The following GRHL3 variants were observed in gnomAD, a reference collection of about 807,000 sequenced individuals.
GRHL3 encodes grainyhead-like protein 3 homolog.
GRHL3 carries 20 observed loss-of-function variants against 70.3 expected under a neutral mutation model. The ratio of observed to expected loss-of-function variants is 0.28; its 90% CI spans 0.20 to 0.41. GRHL3 has a LOEUF of 0.41. Among genes scored for constraint, GRHL3 ranks in the 10% least tolerant of loss-of-function variants. The pLI is 1.00. For missense variants in GRHL3, 637 were observed against 762.3 expected, an observed-to-expected ratio of 0.84 and a Z score of 1.94; for synonymous variants, 299 against 299.9, an observed-to-expected ratio of 1.00 and a Z score of 0.03.
At position 24,319,401 on chromosome 1, in the gene GRHL3, TG is replaced by T; in HGVS notation, c.-148del. The T allele has an allele frequency of 1.2e-6, 1 of 828,036 alleles. No homozygotes were observed. Among genetic ancestry groups the T allele is most frequent in the South Asian group, 1.4e-5 (1 of 72,670 alleles). 51.3% of individuals were successfully genotyped at this position (828,036 alleles called of 1,614,324 possible). On this transcript the variant is annotated 5_prime_UTR_variant, in exon 1 of 16. Coordinates refer to ENST00000361548, the MANE Select transcript of GRHL3 (RefSeq NM_198173.3). ...TGTAGCCAATCAGCGCCAGCGCTGC[TG>T]GGAACCTACCTGTCAGCAAAATCTC...
Position 24,342,544 on chromosome 1 carries a change from G to T in GRHL3, c.1207-150G>T. On this transcript the variant is annotated intron_variant, in intron 9 of 15. Coordinates refer to ENST00000361548, the MANE Select transcript of GRHL3 (RefSeq NM_198173.3). This position sits in a 1 kb window ranked among gnomAD's most constrained non-coding sequence, Gnocchi z 4.8. ...GGCCCCACTGGCCAGGCTGGGCCAG[G>T]TAAGTGCTGGTACCTTCCCATTTCC... 1.2e-6 allele frequency: 1 copy of T among 826,632 alleles called. No homozygotes were observed. Among genetic ancestry groups the T allele is most frequent in the East Asian group, 2.5e-5 (1 of 39,750 alleles). The allele number at this position is 826,632 out of a possible 1,614,324, so 51.2% of individuals were successfully genotyped here.
At chr1:24,343,330 A>C in intron 11 of GRHL3, 3 of 340,932 alleles carry the variant, frequency 8.8e-6, no homozygotes, top group Non-Finnish European at 1.7e-5. Flanking sequence ...TGGAATTCTC[A>C]CGGCAGCACT....
At position 24,342,618 on chromosome 1, in the gene GRHL3, A is replaced by G; in HGVS notation, c.1207-76A>G. On this transcript the variant is annotated intron_variant, in intron 9 of 15. Transcript: ENST00000361548. The surrounding 1 kb of genome is among the most constrained non-coding windows in gnomAD (Gnocchi z 4.8). ...GGACCAGAAGCTTGGCCCATATTTA[A>G]GATGCAAAGCAGCAGCTGTGAAAGT... is the stretch of plus-strand genomic sequence containing the variant. 1 of 1,290,446 alleles carries G rather than the reference A, an allele frequency of 7.7e-7. No individual in the cohort carries two copies. The highest frequency in any genetic ancestry group is 1.1e-6 in the Non-Finnish European group (1 of 888,230). 79.9% of individuals were successfully genotyped at this position (1,290,446 alleles called of 1,614,324 possible). A position where few individuals can be genotyped will look rare whatever the true frequency, so the allele number is the denominator to read the frequency against.
Position 24,336,682 on chromosome 1 carries a change from A to G in GRHL3, c.467A>G (p.Glu156Gly). 1 of 1,614,152 alleles carries G rather than the reference A, an allele frequency of 6.2e-7. No individual in the cohort carries two copies. Among genetic ancestry groups the G allele is most frequent in the Non-Finnish European group, 8.5e-7 (1 of 1,180,010 alleles). Residue 156 changes from glutamate to glycine, a missense_variant, in exon 4 of 16, where the codon GAG becomes GGG. Around this residue, in one of 2 missense-constraint regions of GRHL3, gnomAD observed 250 missense variants for 248.6 expected, o/e 1.01. Coordinates refer to ENST00000361548, the MANE Select transcript of GRHL3 (RefSeq NM_198173.3). The stretch of plus-strand genomic sequence containing the variant: ...CTCCCTGCAGGCCCCAGCAAGCTGG[A>G]GGCCGGCTCTGTGGACAGCTACCTG... ...APLPAGPSKL[E>G]AGSVDSYLLP...
intron 15 of GRHL3, among the ~76,000 whole-genome samples, chr1:24,353,149 T>G (rs1429440226): frequency 6.6e-6 from 1 of 152,216 alleles, no homozygotes; most frequent in Non-Finnish European, 1.5e-5. Flanking sequence ...CTATGAACTG[T>G]GTGACCTTAG....
chr1:24,319,655 C>A (rs1569840378), intron 1 of GRHL3, 87 bp downstream of exon 1: 1 of 1,610,130 alleles, frequency 6.2e-7, no homozygotes, highest in African/African-American at 1.3e-5. Context: ...GGGAGGCCGG[C>A]ACCGGGATTC....
rs995015479 is a variant in GRHL3 at position 24,334,872 on chromosome 1, GA to G, written c.266+173del. On this transcript the variant is annotated intron_variant, in intron 3 of 15. Transcript: ENST00000361548. The surrounding 1 kb of genome is among the most constrained non-coding windows in gnomAD (Gnocchi z 4.3). ...GTTTTCATTTATTTTAAAATTAAAA[GA>G]AAAAAATCAATATAATCCAACTTGG... is the stretch of plus-strand genomic sequence containing the variant. Among the ~76,000 whole-genome samples the G allele has an allele frequency of 1.3e-5, 2 of 151,946 alleles. No homozygotes were observed. The highest frequency in any genetic ancestry group is 2.4e-5 in the African/African-American group (1 of 41,360).
In GRHL3 at chr1:24,337,282, T is replaced by C. The variant is rs544042970; in HGVS notation, c.686+131T>C. The C allele has an allele frequency of 4.6e-6, 3 of 656,328 alleles. No homozygotes were observed. In the African/African-American group the frequency reaches 5.4e-5, roughly 12 times the overall value. The allele number at this position is 656,328 out of a possible 1,614,324, so 40.7% of individuals were successfully genotyped here. On this transcript the variant is annotated intron_variant, in intron 5 of 15. Transcript: ENST00000361548. ...GAAGTGGGGGATGAAGGCAGATAGA[T>C]AGAGGGAGACAGAATGATTCCCACA...
rs907315759 is a variant in GRHL3, at chr1:24,322,539, T to C, written c.17+2971T>C. 6.6e-6 allele frequency among the ~76,000 whole-genome samples: 1 copy of C among 152,240 alleles called. No individual in the cohort carries two copies. The highest frequency in any genetic ancestry group is 2.4e-5 in the African/African-American group (1 of 41,476). ...TTAAAAGCCCTCTTTGAGTTCGGGC[T>C]GTAAAACTGGCGGACTGGGCCGAGA... On this transcript the variant is annotated intron_variant, in intron 1 of 15. Coordinates refer to ENST00000361548, the MANE Select transcript of GRHL3 (RefSeq NM_198173.3). This position sits in a 1 kb window ranked among gnomAD's most constrained non-coding sequence, Gnocchi z 4.4.
At position 24,342,968 on chromosome 1, in the gene GRHL3, G is replaced by T; in HGVS notation, c.1362G>T (p.Thr454=). The T allele has an allele frequency of 6.2e-7, 1 of 1,614,076 alleles. No individual in the cohort carries two copies. The highest frequency in any genetic ancestry group is 8.5e-7 in the Non-Finnish European group (1 of 1,180,014). The part of the protein sequence containing the change: ...TYLRPETDLE[T]PPVLFIPNVH... The stretch of plus-strand genomic sequence containing the variant: ...TTCGGCCAGAGACTGACCTGGAGAC[G>T]CCACCCGTGCTGTTCATCCCCAATG... Residue 454 remains threonine (T), a synonymous_variant, in exon 11 of 16, where the codon ACG becomes ACT. Transcript: ENST00000361548. This position sits in a 1 kb window ranked among gnomAD's most constrained non-coding sequence, Gnocchi z 4.8.
intron 3 of GRHL3, among the ~76,000 whole-genome samples, chr1:24,335,014 AACACAC>A (rs35646472): frequency 0.08 from 11,004 of 136,920 alleles, 442 homozygotes; most frequent in Middle Eastern, 0.14. Context: ...TCAGCTTGAA[AACACAC>A]ACACACACAC....
intron 15 of GRHL3, chr1:24,361,005 C>T (rs532555701): frequency 5.6e-6 from 9 of 1,612,880 alleles, no homozygotes; most frequent in South Asian, 4.4e-5. Context: ...GAGGCAGAGG[C>T]GAAGGCTGAG....
In GRHL3 at chr1:24,337,654, G is replaced by A. The variant is rs1176222607; in HGVS notation, c.705G>A (p.Leu235=). Residue 235 remains leucine, a synonymous_variant, in exon 6 of 16, where the codon CTG becomes CTA. Transcript: ENST00000361548. The stretch of plus-strand genomic sequence containing the variant: ...CCTGCAGTGACTTTGAATACACCCT[G>A]GGCTCCCCCAAAGCCATCCACATCA... The part of the protein sequence containing the change: ...PSLKSDFEYT[L]GSPKAIHIKS... The A allele has an allele frequency of 1.9e-6, 3 of 1,613,996 alleles. No individual in the cohort carries two copies. Among genetic ancestry groups the A allele is most frequent in the Non-Finnish European group, 1.7e-6 (2 of 1,180,018 alleles).
intron 15 of GRHL3, chr1:24,361,089 G>A: frequency 6.6e-7 from 1 of 1,505,950 alleles, no homozygotes; most frequent in Non-Finnish European, 9.0e-7. Context: ...AGTCTAGTGG[G>A]GAAGGCACAG....
At chr1:24,336,340 A>G in intron 3 of GRHL3, 142 bp from the exon 4 acceptor site, 2 of 579,592 alleles carry the variant, frequency 3.5e-6, no homozygotes. Context: ...GGGCTGCTAC[A>G]GTGTCTTATT....
At chr1:24,338,243 A>T (rs1639903645) in intron 7 of GRHL3, 140 bp downstream of exon 7, 2 of 586,494 alleles carry the variant, frequency 3.4e-6, no homozygotes, top group South Asian at 4.6e-5. Flanking sequence ...GGGGTTTGCA[A>T]GGATTTGCAT....
intron 2 of GRHL3, among the ~76,000 whole-genome samples, chr1:24,332,317 CT>C (rs1444253621): frequency 6.6e-6 from 1 of 152,166 alleles, no homozygotes; most frequent in Non-Finnish European, 1.5e-5. Context: ...ATGTCTTTTA[CT>C]GTTCTCTAAC....
rs1640118154 is a variant in GRHL3 at position 24,343,179 on chromosome 1, G to A, written c.1419+154G>A. The stretch of plus-strand genomic sequence containing the variant: ...ATAGGGGTTTAAACATGTATATATG[G>A]TCCTATAGCTTCAGTGACCTATTGT... On this transcript the variant is annotated intron_variant, in intron 11 of 15. Coordinates refer to ENST00000361548, the MANE Select transcript of GRHL3 (RefSeq NM_198173.3). 4.1e-6 allele frequency: 3 copies of A among 729,840 alleles called. No homozygotes were observed. In the South Asian group the frequency reaches 5.5e-5, roughly 13 times the overall value. The allele number at this position is 729,840 out of a possible 1,614,324, so 45.2% of individuals were successfully genotyped here. A position where few individuals can be genotyped will look rare whatever the true frequency, so the allele number is the denominator to read the frequency against.
At chr1:24,330,060 G>A (rs6424173) in intron 1 of GRHL3, among the ~76,000 whole-genome samples, 3,407 of 152,224 alleles carry the variant, frequency 0.022, 133 homozygotes, top group African/African-American at 0.078. Flanking sequence ...CCAACAATCT[G>A]TGTGTTTTTA....
Sources: gnomAD v4.1 joint callset for allele counts (sites outside exome capture counted in the v4.1 genomes callset) on GRCh38, gnomAD v4.1.1 for gene constraint, gnomAD v4.1.1 regional missense constraint, Gnocchi (gnomAD v3.1) non-coding constraint, MANE v1.5 for transcripts, NCBI Gene and HGNC (gene_info 2026-07-23, HGNC 2026-07-21) for gene names.